EHBP1: variants seen among roughly 807,000 people sequenced by gnomAD.
The protein encoded by EHBP1 is EH domain binding protein 1.
A neutral mutation model predicts 144.0 loss-of-function variants in EHBP1; 55 were observed. The observed-to-expected ratio is 0.38, with a 90% CI of 0.31 to 0.48. The LOEUF is 0.48. Ranked by LOEUF, EHBP1 falls within the 20% of genes least tolerant of loss-of-function variation. The pLI, the probability that EHBP1 is intolerant of heterozygous loss-of-function variation, is 0.98. For synonymous variants in EHBP1, 469 were observed against 472.7 expected, an observed-to-expected ratio of 0.99 and a Z score of 0.10; for missense variants, 1,200 against 1,364.2, an observed-to-expected ratio of 0.88 and a Z score of 1.90.
chr2:62,736,432 C>T (rs542617812), intron 2 of EHBP1, among the ~76,000 whole-genome samples: 1 of 152,086 alleles, frequency 6.6e-6, no homozygotes, highest in South Asian at 2.1e-4. Flanking sequence ...CCATGTTGGC[C>T]AGGCTGGTCT....
intron 5 of EHBP1, among the ~76,000 whole-genome samples, chr2:62,774,389 A>AG (rs2041909465): frequency 1.3e-5 from 2 of 151,816 alleles, no homozygotes; most frequent in African/African-American, 4.8e-5. Context: ...AAAAAAAAAA[A>AG]AGAGAGAAAA....
intron 5 of EHBP1, among the ~76,000 whole-genome samples, chr2:62,785,299 GC>G (rs936120666): frequency 6.6e-6 from 1 of 152,170 alleles, no homozygotes; most frequent in African/African-American, 2.4e-5. Flanking sequence ...ATTGAAATGT[GC>G]AAAACTGAAG....
intron 10 of EHBP1, among the ~76,000 whole-genome samples, chr2:62,912,197 G>A (rs2054276741): frequency 1.3e-5 from 2 of 152,056 alleles, no homozygotes; most frequent in African/African-American, 4.8e-5. Flanking sequence ...TAAATCCTAT[G>A]TTGTTGTGAT....
intron 11 of EHBP1, 73 bp from the exon 12 acceptor site, chr2:62,943,729 G>T: frequency 9.6e-7 from 1 of 1,039,304 alleles, no homozygotes; most frequent in South Asian, 2.0e-5. Context: ...CAAATTTTTA[G>T]ATTCAGTTTG....
chr2:62,690,748 T>C (rs1034047197), intron 1 of EHBP1, among the ~76,000 whole-genome samples: 1 of 152,050 alleles, frequency 6.6e-6, no homozygotes, highest in Non-Finnish European at 1.5e-5. Context: ...ACCATATGGA[T>C]TTAGTCAAGG....
In EHBP1 at chr2:63,039,756, G is replaced by A. The variant is rs1476499591; in HGVS notation, c.3277+940G>A. ...TATTTTAATAAATATTGTCACCAAAGTGCATGCTATTTGTCTGAATACTAT... is the reference window on the plus strand; with the variant it reads ...TATTTTAATAAATATTGTCACCAAAATGCATGCTATTTGTCTGAATACTAT... On this transcript the variant is annotated intron_variant, in intron 21 of 22. Transcript: ENST00000431489. Among the ~76,000 whole-genome samples, 4 of 152,090 alleles carry A rather than the reference G, an allele frequency of 2.6e-5. No individual in the cohort carries two copies. The East Asian group carries it at 7.7e-4, about 29-fold the overall frequency.
Position 62,751,616 on chromosome 2 carries a change from G to A in EHBP1, c.162+4164G>A, listed in dbSNP as rs189224699. Among the ~76,000 whole-genome samples, 18 of 152,188 alleles carry A rather than the reference G, an allele frequency of 1.2e-4. No individual in the cohort carries two copies. The South Asian group carries it at 3.1e-3, about 26-fold the overall frequency. ...TCGGCTGTGAATCCATCTGGTCCTC[G>A]ACTTTTTTTGGTTGGTAAGCTATTA... On this transcript the variant is annotated intron_variant, in intron 3 of 22. Coordinates refer to ENST00000431489, the MANE Select transcript of EHBP1 (RefSeq NM_001142616.3).
chr2:62,781,329 A>C (rs2042413134), intron 5 of EHBP1, among the ~76,000 whole-genome samples: 1 of 152,022 alleles, frequency 6.6e-6, no homozygotes, highest in Non-Finnish European at 1.5e-5. Flanking sequence ...ATAATTTTTT[A>C]TTTTTTTGGA....
At chr2:62,710,870 A>AT (rs1407581577) in intron 2 of EHBP1, among the ~76,000 whole-genome samples, 2 of 152,332 alleles carry the variant, frequency 1.3e-5, no homozygotes, top group Admixed American at 6.5e-5. Flanking sequence ...ATTAAGAAGT[A>AT]TTAATTTCAG....
chr2:62,901,998 C>G (rs1332018316), intron 10 of EHBP1, among the ~76,000 whole-genome samples: 1 of 151,688 alleles, frequency 6.6e-6, no homozygotes, highest in Non-Finnish European at 1.5e-5. Flanking sequence ...CAATGTACTA[C>G]CAAGTATCAA....
intron 14 of EHBP1, among the ~76,000 whole-genome samples, chr2:62,974,932 AT>A (rs2058649580): frequency 6.6e-6 from 1 of 152,130 alleles, no homozygotes; most frequent in South Asian, 2.1e-4. Context: ...TAAAAAAAAA[AT>A]GTCTTGCTAT....
At chr2:62,989,209 A>G (rs72811588) in intron 15 of EHBP1, among the ~76,000 whole-genome samples, 3 of 151,846 alleles carry the variant, frequency 2.0e-5, no homozygotes, top group Non-Finnish European at 4.4e-5. Flanking sequence ...ATTTTTTTTT[A>G]AAAAAACATT....
intron 5 of EHBP1, among the ~76,000 whole-genome samples, chr2:62,811,867 C>G (rs1015752796): frequency 1.2e-4 from 19 of 152,064 alleles, no homozygotes; most frequent in African/African-American, 4.6e-4. Flanking sequence ...AAGATCTGAT[C>G]CACTGAGACT....
chr2:62,921,506 A>T (rs2055079879), intron 10 of EHBP1, among the ~76,000 whole-genome samples: 1 of 152,028 alleles, frequency 6.6e-6, no homozygotes, highest in Admixed American at 6.6e-5. Flanking sequence ...AAAAGAACAT[A>T]CGCTAAAGGA....
chr2:62,980,720 T>C (rs1472569506), intron 15 of EHBP1, among the ~76,000 whole-genome samples: 1 of 151,958 alleles, frequency 6.6e-6, no homozygotes, highest in African/African-American at 2.4e-5. Flanking sequence ...GCCTCACGCC[T>C]GTAATCCCAA....
intron 9 of EHBP1, among the ~76,000 whole-genome samples, chr2:62,871,350 T>G (rs2050465273): frequency 6.6e-6 from 1 of 152,206 alleles, no homozygotes; most frequent in African/African-American, 2.4e-5. Flanking sequence ...CACATGAAAG[T>G]CACAGTCTTT....
intron 19 of EHBP1, among the ~76,000 whole-genome samples, chr2:63,033,141 A>G (rs2061329465): frequency 6.6e-6 from 1 of 152,224 alleles, no homozygotes; most frequent in East Asian, 1.9e-4. Context: ...TAATGTCTAC[A>G]TGACCCTAAA....
intron 6 of EHBP1, among the ~76,000 whole-genome samples, chr2:62,829,986 C>T (rs890749060): frequency 1.3e-5 from 2 of 150,814 alleles, no homozygotes; most frequent in African/African-American, 2.4e-5. Flanking sequence ...AATCCCACTG[C>T]AGGGTATCTA....
chr2:62,850,677 A>T (rs913758903), intron 7 of EHBP1, among the ~76,000 whole-genome samples: 3 of 152,194 alleles, frequency 2.0e-5, no homozygotes, highest in Non-Finnish European at 4.4e-5. Flanking sequence ...AAAGTAATAA[A>T]GTATTATATA....
Sources: gnomAD v4.1 joint callset for allele counts (sites outside exome capture counted in the v4.1 genomes callset) on GRCh38, gnomAD v4.1.1 for gene constraint, MANE v1.5 for transcripts, NCBI Gene and HGNC (gene_info 2026-07-23, HGNC 2026-07-21) for gene names.